Variants in ZNF804B observed in about 807,000 individuals in gnomAD.
ZNF804B encodes zinc finger protein 804B, also known as zinc finger 804B.
A neutral mutation model predicts 101.4 loss-of-function variants in ZNF804B; 80 were observed. The observed-to-expected ratio is 0.79, with a 90% CI of 0.66 to 0.95. The LOEUF (loss-of-function observed/expected upper bound fraction) is 0.95. ZNF804B is among the 40% of genes least tolerant of loss of function. The probability of loss-of-function intolerance (pLI) is 0.00; values close to 1 mark genes in which losing one functional copy is unlikely to be tolerated. For synonymous variants in ZNF804B, 622 were observed against 558.8 expected (o/e 1.11, Z -1.59); for missense variants, 1,673 against 1,561.9 (o/e 1.07, Z -1.20).
intron 1 of ZNF804B, among the ~76,000 whole-genome samples, chr7:88,848,511 A>G (rs897866987): frequency 6.6e-6 from 1 of 152,146 alleles, no homozygotes; most frequent in African/African-American, 2.4e-5. Flanking sequence ...CTGCACCATC[A>G]GTCTCAGGGA....
intron 1 of ZNF804B, among the ~76,000 whole-genome samples, chr7:88,891,235 T>C (rs1792208554): frequency 6.6e-6 from 1 of 152,116 alleles, no homozygotes; most frequent in East Asian, 1.9e-4. Context: ...TGTAGATACA[T>C]CTATTTTTGC....
chr7:88,854,570 C>G (rs546393336), intron 1 of ZNF804B, among the ~76,000 whole-genome samples: 1 of 134,144 alleles, frequency 7.5e-6, no homozygotes, highest in Non-Finnish European at 1.6e-5. Context: ...TTCCTTCCTT[C>G]CTTCCTTCCT....
intron 1 of ZNF804B, among the ~76,000 whole-genome samples, chr7:88,942,635 G>A (rs1793072467): frequency 6.7e-6 from 1 of 148,658 alleles, no homozygotes; most frequent in Non-Finnish European, 1.5e-5. Flanking sequence ...TGATCATCTT[G>A]AATGAATGCA....
At chr7:89,152,281 A>G (rs924390002) in intron 1 of ZNF804B, among the ~76,000 whole-genome samples, 1 of 147,942 alleles carries the variant, frequency 6.8e-6, no homozygotes, top group Non-Finnish European at 1.5e-5. Flanking sequence ...GTATACATTT[A>G]TGGGGAAGAG....
At chr7:88,908,968 C>T (rs1792511044) in intron 1 of ZNF804B, among the ~76,000 whole-genome samples, 2 of 151,712 alleles carry the variant, frequency 1.3e-5, no homozygotes, top group African/African-American at 4.8e-5. Flanking sequence ...TATACCACTG[C>T]AGATGTGAGA....
intron 1 of ZNF804B, among the ~76,000 whole-genome samples, chr7:88,917,250 A>G (rs12671347): frequency 0.46 from 69,999 of 151,872 alleles, 18,226 homozygotes; most frequent in African/African-American, 0.71. Flanking sequence ...GGGGGACAGG[A>G]TAAGACTCTG....
intron 1 of ZNF804B, among the ~76,000 whole-genome samples, chr7:88,832,364 A>G (rs1239531482): frequency 2.0e-5 from 3 of 152,126 alleles, no homozygotes; most frequent in Middle Eastern, 6.8e-3. Context: ...AAAGATGCAG[A>G]CAACCAGCAC....
chr7:88,947,731 A>G (rs940079677), intron 1 of ZNF804B, among the ~76,000 whole-genome samples: 1 of 151,910 alleles, frequency 6.6e-6, no homozygotes, highest in African/African-American at 2.4e-5. Context: ...TCCCCAATAA[A>G]TCTCACTATG....
At chr7:88,798,841 G>A (rs576430973) in intron 1 of ZNF804B, among the ~76,000 whole-genome samples, 31 of 152,132 alleles carry the variant, frequency 2.0e-4, no homozygotes, top group Non-Finnish European at 3.8e-4. Flanking sequence ...CATCTATTAA[G>A]GGCAAGTTAT....
At chr7:89,208,151 G>A (rs1316568550) in intron 1 of ZNF804B, among the ~76,000 whole-genome samples, 4 of 147,398 alleles carry the variant, frequency 2.7e-5, no homozygotes, top group East Asian at 2.0e-4. Flanking sequence ...GCACAATCTC[G>A]GCTCACTGCA....
chr7:88,850,001 A>G (rs1328016734), intron 1 of ZNF804B, among the ~76,000 whole-genome samples: 1 of 152,134 alleles, frequency 6.6e-6, no homozygotes, highest in Non-Finnish European at 1.5e-5. Context: ...ACATGAAAAG[A>G]CTTTTTTCCA....
chr7:89,323,049 G>A (rs562826447), intron 2 of ZNF804B, among the ~76,000 whole-genome samples: 9 of 152,202 alleles, frequency 5.9e-5, no homozygotes, highest in East Asian at 1.9e-4. Flanking sequence ...CGTAGCCTTC[G>A]TGAGTGGGAT....
chr7:89,065,647 C>G (rs1191274432), intron 1 of ZNF804B, among the ~76,000 whole-genome samples: 4 of 152,010 alleles, frequency 2.6e-5, no homozygotes. Context: ...AGTCTAAAAC[C>G]AAAGTGTTGG....
chr7:89,288,102 G>A (rs1790234950), intron 2 of ZNF804B, among the ~76,000 whole-genome samples: 1 of 151,948 alleles, frequency 6.6e-6, no homozygotes, highest in Non-Finnish European at 1.5e-5. Flanking sequence ...AAATAATTAT[G>A]CTTAATGAGT....
intron 1 of ZNF804B, among the ~76,000 whole-genome samples, chr7:88,778,948 G>T (rs1466014240): frequency 6.6e-6 from 1 of 152,152 alleles, no homozygotes; most frequent in African/African-American, 2.4e-5. Flanking sequence ...TGGCTCCCCA[G>T]TTCCATTTTC....
chr7:88,928,336 T>A (rs1216186498), intron 1 of ZNF804B, among the ~76,000 whole-genome samples: 1 of 152,144 alleles, frequency 6.6e-6, no homozygotes, highest in East Asian at 1.9e-4. Flanking sequence ...GAAAACTTAT[T>A]CTGAATAAAT....
intron 1 of ZNF804B, among the ~76,000 whole-genome samples, chr7:88,896,847 A>G (rs1584003386): frequency 2.0e-5 from 3 of 152,338 alleles, no homozygotes; most frequent in South Asian, 4.1e-4. Context: ...TTTATTTGGC[A>G]GGGCATTTGA....
intron 1 of ZNF804B, among the ~76,000 whole-genome samples, chr7:88,840,542 G>A (rs1192623232): frequency 6.6e-6 from 1 of 152,082 alleles, no homozygotes; most frequent in African/African-American, 2.4e-5. Context: ...GATATTAGTA[G>A]TTGTGTTGAA....
At chr7:89,205,927 C>T (rs189441057) in intron 1 of ZNF804B, among the ~76,000 whole-genome samples, 2 of 152,226 alleles carry the variant, frequency 1.3e-5, no homozygotes, top group South Asian at 4.1e-4. Flanking sequence ...CTGCAGCAAA[C>T]TTCTACCTGG....
Sources: gnomAD v4.1 joint callset for allele counts (sites outside exome capture counted in the v4.1 genomes callset) on GRCh38, gnomAD v4.1.1 for gene constraint, MANE v1.5 for transcripts, NCBI Gene and HGNC (gene_info 2026-07-23, HGNC 2026-07-21) for gene names.